The following CHODL variants were observed in gnomAD, a reference collection of about 807,000 sequenced individuals.
The protein encoded by CHODL is transmembrane protein MT75.
A neutral mutation model predicts 34.5 loss-of-function variants in CHODL; 29 were observed. The ratio of observed to expected loss-of-function variants is 0.84; its 90% confidence interval spans 0.63 to 1.15. The LOEUF (loss-of-function observed/expected upper bound fraction) is 1.15. Ranked by LOEUF, CHODL falls within the 50% of genes most tolerant of loss-of-function variation. The pLI is 0.00. For missense variants in CHODL, 332 were observed against 332.5 expected, an observed-to-expected ratio of 1.00 and a Z score of 0.01; for synonymous variants, 125 against 116.1, an observed-to-expected ratio of 1.08 and a Z score of -0.49.
At chr21:17,977,295 C>T (rs942089718) in intron 1 of CHODL, among the ~76,000 whole-genome samples, 1 of 151,710 alleles carries the variant, frequency 6.6e-6, no homozygotes, top group African/African-American at 2.4e-5. Context: ...GATTAGATGT[C>T]TGGTACTCTG....
chr21:17,945,406 A>C (rs1337915377), intron 1 of CHODL, among the ~76,000 whole-genome samples: 1 of 152,140 alleles, frequency 6.6e-6, no homozygotes, highest in Non-Finnish European at 1.5e-5. Flanking sequence ...AGAAAATAGA[A>C]ACAGTAAAAA....
chr21:17,933,385 C>T (rs754738188), intron 1 of CHODL, among the ~76,000 whole-genome samples: 8 of 152,176 alleles, frequency 5.3e-5, no homozygotes, highest in Non-Finnish European at 1.0e-4. Context: ...GAGGTCCCTG[C>T]GGCCTTCCGC....
intron 1 of CHODL, among the ~76,000 whole-genome samples, chr21:17,976,270 GAA>G (rs71318119): frequency 0.022 from 1,437 of 66,232 alleles, no homozygotes; most frequent in South Asian, 0.066. Flanking sequence ...GACCATCTCA[GAA>G]AAAAAAAAAA....
At chr21:17,919,488 A>G (rs1289184412) in intron 1 of CHODL, among the ~76,000 whole-genome samples, 3 of 152,136 alleles carry the variant, frequency 2.0e-5, no homozygotes, top group Non-Finnish European at 4.4e-5. Flanking sequence ...TCATGGCTGG[A>G]GCAGCTGGGA....
intron 2 of CHODL, among the ~76,000 whole-genome samples, chr21:18,054,612 A>G (rs1006230686): frequency 3.3e-5 from 5 of 151,918 alleles, no homozygotes; most frequent in Non-Finnish European, 7.4e-5. Flanking sequence ...GGGTGTAAGG[A>G]TGGATAAAAA....
chr21:17,949,411 A>C (rs947593205), intron 1 of CHODL, among the ~76,000 whole-genome samples: 1 of 152,058 alleles, frequency 6.6e-6, no homozygotes, highest in Non-Finnish European at 1.5e-5. Flanking sequence ...AAAGACTGTG[A>C]AAAAAAAGAC....
intron 2 of CHODL, among the ~76,000 whole-genome samples, chr21:18,177,918 A>G (rs1054983697): frequency 6.6e-6 from 1 of 152,170 alleles, no homozygotes; most frequent in African/African-American, 2.4e-5. Context: ...AATCTTTGAG[A>G]AAGCTATTTA....
At chr21:18,129,910 GTGTGTGTGTGTGTGTGTGTC>G (rs1378421408) in intron 2 of CHODL, among the ~76,000 whole-genome samples, 1 of 144,356 alleles carries the variant, frequency 6.9e-6, no homozygotes, top group Non-Finnish European at 1.5e-5. Context: ...GTGTGTGTGT[GTGTGTGTGTGTGTGTGTGTC>G]TGTGTGTGTG....
At chr21:17,948,820 A>G (rs1192473495) in intron 1 of CHODL, among the ~76,000 whole-genome samples, 1 of 151,974 alleles carries the variant, frequency 6.6e-6, no homozygotes, top group African/African-American at 2.4e-5. Context: ...GAATTCTAAT[A>G]AACATTTAAA....
At position 18,267,156 on chromosome 21, in the gene CHODL, C is replaced by A. The variant is rs113300118; in HGVS notation, c.*1118C>A. 6.6e-6 allele frequency: 1 copy of A among 152,152 alleles called. No individual in the cohort carries two copies. Among genetic ancestry groups the A allele is most frequent in the Admixed American group, 6.5e-5 (1 of 15,268 alleles). The allele number at this position is 152,152 out of a possible 1,614,324, so 9.4% of individuals were successfully genotyped here. A position where few individuals can be genotyped will look rare whatever the true frequency, so the allele number is the denominator to read the frequency against. On this transcript the variant is annotated 3_prime_UTR_variant, in exon 6 of 6. Coordinates refer to ENST00000299295, the MANE Select transcript of CHODL (RefSeq NM_024944.3). ...GACATTTTAGGAAGGAAAGGAACTA[C>A]GAAATCGTGTGAAAATGGGTTGGAA...
chr21:18,005,290 C>G (rs1210076285), intron 1 of CHODL, among the ~76,000 whole-genome samples: 1 of 152,172 alleles, frequency 6.6e-6, no homozygotes, highest in African/African-American at 2.4e-5. Flanking sequence ...ATTCATAAGG[C>G]TGTTACAACT....
chr21:17,984,102 C>T (rs2063735217), intron 1 of CHODL, among the ~76,000 whole-genome samples: 1 of 152,304 alleles, frequency 6.6e-6, no homozygotes, highest in South Asian at 2.1e-4. Flanking sequence ...CTCCACAGCT[C>T]TTCTATGATT....
intron 2 of CHODL, among the ~76,000 whole-genome samples, chr21:18,078,096 C>T (rs1458842068): frequency 6.6e-6 from 1 of 152,150 alleles, no homozygotes; most frequent in Non-Finnish European, 1.5e-5. Flanking sequence ...CTTTCTGTGC[C>T]TAGCCTTCTT....
intron 1 of CHODL, chr21:18,024,683 A>T (rs1415809809): frequency 5.9e-5 from 9 of 152,186 alleles, no homozygotes; most frequent in Admixed American, 5.9e-4. Context: ...TCCTTACCTC[A>T]TTCTTTGATG....
chr21:18,071,702 ACATTTCTATTT>A (rs1001417138), intron 2 of CHODL, among the ~76,000 whole-genome samples: 3 of 152,172 alleles, frequency 2.0e-5, no homozygotes, highest in Non-Finnish European at 4.4e-5. Flanking sequence ...AAGTGATTAT[ACATTTCTATTT>A]CATTTCTATT....
At chr21:18,030,416 A>C in intron 2 of CHODL, among the ~76,000 whole-genome samples, 1 of 152,148 alleles carries the variant, frequency 6.6e-6, no homozygotes, top group Non-Finnish European at 1.5e-5. Flanking sequence ...ACCTGCTAGG[A>C]GTCTTGTGAG....
intron 2 of CHODL, among the ~76,000 whole-genome samples, chr21:18,041,962 T>C (rs2064381145): frequency 6.6e-6 from 1 of 151,938 alleles, no homozygotes; most frequent in Non-Finnish European, 1.5e-5. Flanking sequence ...AAGCTGAATA[T>C]ATTTTTTTTA....
intron 1 of CHODL, among the ~76,000 whole-genome samples, chr21:17,921,923 C>G (rs965765393): frequency 2.6e-5 from 4 of 152,188 alleles, no homozygotes; most frequent in African/African-American, 9.7e-5. Context: ...TCAGTGAACA[C>G]TCCAAATTTC....
Position 18,048,453 on chromosome 21 carries a change from T to C in CHODL, c.-45+20482T>C, listed in dbSNP as rs561896505. ...AGGTGTGGGTATATAAGACTTTTTA[T>C]ATTTGCATCTTGTTCGGTGCATAGT... On this transcript the variant is annotated intron_variant, in intron 2 of 6. Transcript: ENST00000400127. Among the ~76,000 whole-genome samples, 6 of 152,090 alleles carry C rather than the reference T, an allele frequency of 3.9e-5. No individual in the cohort carries two copies. In the East Asian group the frequency reaches 1.2e-3, roughly 30 times the overall value.
Sources: allele counts gnomAD v4.1 joint callset (sites outside exome capture counted in the v4.1 genomes callset), GRCh38; gene constraint gnomAD v4.1.1; transcripts MANE v1.5; gene names NCBI Gene and HGNC (gene_info 2026-07-23, HGNC 2026-07-21).